The following GRID1 variants were observed in gnomAD, a reference collection of about 807,000 sequenced individuals.
The protein encoded by GRID1 is glutamate receptor ionotropic, delta-1.
In GRID1, 28 loss-of-function variants were observed where a neutral mutation model predicts 98.0. The ratio of observed to expected loss-of-function variants is 0.29; its 90% CI spans 0.21 to 0.39. GRID1 has a LOEUF of 0.39. Ranked by LOEUF, GRID1 falls within the 10% of genes least tolerant of loss-of-function variation. The pLI, the probability that GRID1 is intolerant of heterozygous loss-of-function variation, is 1.00. For missense variants in GRID1, 1,111 were observed against 1,340.5 expected (o/e 0.83, Z 2.67); for synonymous variants, 553 against 538.5 (o/e 1.03, Z -0.37).
chr10:86,054,309 C>T (rs1843544594), intron 4 of GRID1, among the ~76,000 whole-genome samples: 1 of 152,134 alleles, frequency 6.6e-6, no homozygotes, highest in Non-Finnish European at 1.5e-5. Flanking sequence ...GAGTGGGCAT[C>T]AGAGACAAGA....
chr10:85,735,619 A>G (rs1841871205), intron 8 of GRID1, among the ~76,000 whole-genome samples: 1 of 152,156 alleles, frequency 6.6e-6, no homozygotes, highest in Admixed American at 6.5e-5. Flanking sequence ...CCTTTGGAAG[A>G]TTGGGCTTTG....
chr10:86,261,799 C>G (rs902893108), intron 2 of GRID1, among the ~76,000 whole-genome samples: 2 of 152,174 alleles, frequency 1.3e-5, no homozygotes, highest in Non-Finnish European at 2.9e-5. Context: ...GGGCAGCCAC[C>G]AGCATCCAGG....
chr10:86,179,079 G>T (rs1165453253), intron 3 of GRID1, among the ~76,000 whole-genome samples: 1 of 152,086 alleles, frequency 6.6e-6, no homozygotes, highest in Non-Finnish European at 1.5e-5. Flanking sequence ...CAGACCAAAG[G>T]TGTTTCCAGG....
At position 85,599,788 on chromosome 10, in the gene GRID1, T is replaced by TAAAAAAAAAAAAAAAA. The variant is rs1220249442; in HGVS notation, c.*2484_*2485insTTTTTTTTTTTTTTTT. 6 of 76,108 alleles carry TAAAAAAAAAAAAAAAA rather than the reference T, an allele frequency of 7.9e-5. 1 individual carries two copies. Among genetic ancestry groups the TAAAAAAAAAAAAAAAA allele is most frequent in the African/African-American group, 4.3e-4 (5 of 11,732 alleles). 4.7% of individuals were successfully genotyped at this position (76,108 alleles called of 1,614,324 possible). A position where few individuals can be genotyped will look rare whatever the true frequency, so the allele number is the denominator to read the frequency against. On this transcript the variant is annotated 3_prime_UTR_variant, in exon 16 of 16. Transcript: ENST00000327946. ...CCCTCATGCCAAGGGTAGAAAATTCTAAAAAAAAAAAAAAATATATATATA... is the reference window on the plus strand; with the variant it reads ...CCCTCATGCCAAGGGTAGAAAATTCTAAAAAAAAAAAAAAAAAAAAAAAAAAAAAAATATATATATA...
chr10:86,251,883 A>G (rs985938226), intron 2 of GRID1, among the ~76,000 whole-genome samples: 7 of 152,114 alleles, frequency 4.6e-5, no homozygotes, highest in African/African-American at 1.7e-4. Context: ...CCACAGGAAT[A>G]TCCTGTGAGC....
At position 86,268,946 on chromosome 10, in the gene GRID1, C is replaced by T. The variant is rs553452567; in HGVS notation, c.236-62298G>A. Among the ~76,000 whole-genome samples the T allele has an allele frequency of 3.3e-5, 5 of 151,888 alleles. No homozygotes were observed. In the South Asian group the frequency reaches 8.3e-4, roughly 25 times the overall value. ...CGGAGGTTGCAGTGAGCTGAGATCACGCCACTGCACTCCAGCCCGGGTGAC... is the reference window on the plus strand; with the variant it reads ...CGGAGGTTGCAGTGAGCTGAGATCATGCCACTGCACTCCAGCCCGGGTGAC... On this transcript the variant is annotated intron_variant, in intron 2 of 15. Transcript: ENST00000327946.
chr10:85,857,106 C>T (rs778579735), intron 6 of GRID1, among the ~76,000 whole-genome samples: 3 of 152,182 alleles, frequency 2.0e-5, no homozygotes, highest in Non-Finnish European at 4.4e-5. Context: ...ACGGTGGTAA[C>T]AAGAGATGAG....
chr10:85,724,873 A>G (rs117688511), intron 10 of GRID1, among the ~76,000 whole-genome samples, 197 bp from the exon 11 acceptor site: 2 of 152,202 alleles, frequency 1.3e-5, no homozygotes, highest in African/African-American at 4.8e-5. Context: ...TCACCTTACA[A>G]GTCTCTCTCT....
chr10:86,106,746 C>T (rs1844393475), intron 4 of GRID1, among the ~76,000 whole-genome samples: 1 of 151,976 alleles, frequency 6.6e-6, no homozygotes, highest in Non-Finnish European at 1.5e-5. Context: ...GGCATGTCTA[C>T]GGAAGCAAGG....
intron 3 of GRID1, among the ~76,000 whole-genome samples, chr10:86,147,686 A>G (rs1845107524): frequency 6.6e-6 from 1 of 152,158 alleles, no homozygotes; most frequent in African/African-American, 2.4e-5. Context: ...TTACCTTTTG[A>G]TGCTTTGACA....
chr10:85,919,506 CCT>C (rs1841671069), intron 4 of GRID1, among the ~76,000 whole-genome samples: 1 of 152,198 alleles, frequency 6.6e-6, no homozygotes, highest in Admixed American at 6.5e-5. Flanking sequence ...CCTGCCTCCC[CCT>C]GTCCCCCATC....
intron 8 of GRID1, among the ~76,000 whole-genome samples, chr10:85,769,462 AGACAGTGGGTGCAG>A (rs1163409544): frequency 6.6e-6 from 1 of 152,186 alleles, no homozygotes; most frequent in Non-Finnish European, 1.5e-5. Flanking sequence ...AGGGAGTGCC[AGACAGTGGGTGCAG>A]GACAGTGGGT....
chr10:85,865,999 G>T, intron 6 of GRID1, among the ~76,000 whole-genome samples: 1 of 90,702 alleles, frequency 1.1e-5, no homozygotes, highest in Non-Finnish European at 2.2e-5. Context: ...AGAGAGAGAG[G>T]CATCTAGGGT....
intron 4 of GRID1, among the ~76,000 whole-genome samples, chr10:85,936,518 T>TAAAA (rs58110757): frequency 1.6e-4 from 24 of 145,874 alleles, no homozygotes; most frequent in Non-Finnish European, 2.1e-4. Context: ...AGCACCAAAC[T>TAAAA]AAAAAAAAAA....
intron 8 of GRID1, among the ~76,000 whole-genome samples, chr10:85,836,277 T>C (rs1399882916): frequency 6.6e-6 from 1 of 151,642 alleles, no homozygotes; most frequent in Non-Finnish European, 1.5e-5. Context: ...ACCAACTAGA[T>C]GTAGACAAGT....
intron 8 of GRID1, among the ~76,000 whole-genome samples, chr10:85,766,107 G>T (rs1365633597): frequency 6.6e-6 from 1 of 152,190 alleles, no homozygotes; most frequent in Non-Finnish European, 1.5e-5. Context: ...AACAAGGTTT[G>T]AAATAAACCA....
At chr10:85,805,781 T>A (rs1842618111) in intron 8 of GRID1, among the ~76,000 whole-genome samples, 1 of 151,902 alleles carries the variant, frequency 6.6e-6, no homozygotes, top group East Asian at 1.9e-4. Context: ...AATAAATAGG[T>A]AAATAAATAC....
At chr10:86,099,787 C>A (rs1235262740) in intron 4 of GRID1, among the ~76,000 whole-genome samples, 1 of 152,178 alleles carries the variant, frequency 6.6e-6, no homozygotes. Context: ...TCAGAGTCTG[C>A]AGACAGCAGC....
chr10:85,722,550 T>C (rs1841715491), intron 12 of GRID1, among the ~76,000 whole-genome samples: 2 of 152,164 alleles, frequency 1.3e-5, no homozygotes, highest in East Asian at 1.9e-4. Context: ...TTTATAATCA[T>C]ATAAATGTGC....
Sources: gnomAD v4.1 joint callset for allele counts (sites outside exome capture counted in the v4.1 genomes callset) on GRCh38, gnomAD v4.1.1 for gene constraint, MANE v1.5 for transcripts, NCBI Gene and HGNC (gene_info 2026-07-23, HGNC 2026-07-21) for gene names.